LRRC8C: variants seen among roughly 807,000 people sequenced by gnomAD.
The protein encoded by LRRC8C is volume-regulated anion channel subunit LRRC8C.
In LRRC8C, 20 loss-of-function variants were observed where a neutral mutation model predicts 55.3. That is an observed-to-expected ratio of 0.36 (90% CI 0.25 to 0.53). The LOEUF is 0.53. Ranked by LOEUF, LRRC8C falls within the 20% of genes least tolerant of loss-of-function variation. The pLI is 0.92. For missense variants in LRRC8C, 659 were observed against 951.4 expected, an observed-to-expected ratio of 0.69 and a Z score of 4.04; for synonymous variants, 376 against 360.7, an observed-to-expected ratio of 1.04 and a Z score of -0.48.
At chr1:89,675,356 G>A (rs1182797452) in intron 1 of LRRC8C, among the ~76,000 whole-genome samples, 1 of 152,232 alleles carries the variant, frequency 6.6e-6, no homozygotes, top group African/African-American at 2.4e-5. Context: ...GAGGGCAGGA[G>A]TCTTCTTGCC....
At chr1:89,706,047 A>G (rs554695143) in intron 2 of LRRC8C, among the ~76,000 whole-genome samples, 2 of 152,244 alleles carry the variant, frequency 1.3e-5, no homozygotes, top group East Asian at 1.9e-4. Context: ...ATCTGATGAT[A>G]AAGTTTATCG....
chr1:89,684,837 GA>G lies in LRRC8C; in HGVS notation c.-4-1627del, dbSNP rs541738842. The stretch of plus-strand genomic sequence containing the variant: ...ACTTGTAGCCTAGTGGGTGGTAACA[GA>G]AAAAAGTTAAGAAAAGTTGTGTTTC... On this transcript the variant is annotated intron_variant, in intron 1 of 2. Coordinates refer to ENST00000370454, the MANE Select transcript of LRRC8C (RefSeq NM_032270.5). 1.7e-4 allele frequency among the ~76,000 whole-genome samples: 26 copies of G among 152,246 alleles called. No homozygotes were observed. The South Asian group carries it at 5.4e-3, about 32-fold the overall frequency.
At chr1:89,639,569 A>G (rs1656397444) in intron 1 of LRRC8C, among the ~76,000 whole-genome samples, 2 of 152,140 alleles carry the variant, frequency 1.3e-5, no homozygotes, top group African/African-American at 2.4e-5. Context: ...TTTAAACCAT[A>G]TTCTTTTCCT....
chr1:89,702,760 CTCAA>C (rs1261116263), intron 2 of LRRC8C, among the ~76,000 whole-genome samples: 4 of 152,154 alleles, frequency 2.6e-5, no homozygotes, highest in Non-Finnish European at 4.4e-5. Context: ...AAGACCCTGT[CTCAA>C]TCAATCAATC....
chr1:89,714,020 G>A lies in LRRC8C; in HGVS notation c.1450G>A (p.Ala484Thr), dbSNP rs2101364297. 2.5e-6 allele frequency: 4 copies of A among 1,613,418 alleles called. No individual in the cohort carries two copies. The East Asian group carries it at 6.7e-5, about 27-fold the overall frequency. Residue 484 changes from alanine to threonine, a missense_variant, in exon 3 of 3, where the codon GCG (alanine) becomes ACG (threonine). Coordinates refer to ENST00000370454, the MANE Select transcript of LRRC8C (RefSeq NM_032270.5). This position sits in a 1 kb window ranked among gnomAD's most constrained non-coding sequence, Gnocchi z 4.6. ...LHQCSVKIHS[A>T]ALSFLKENLK... ...CCAGTGTTCTGTCAAAATCCACAGT[G>A]CGGCGCTCTCTTTCCTGAAGGAAAA...
chr1:89,658,316 G>T (rs1363206061), intron 1 of LRRC8C, among the ~76,000 whole-genome samples: 1 of 152,158 alleles, frequency 6.6e-6, no homozygotes, highest in Non-Finnish European at 1.5e-5. Flanking sequence ...CAGCCTAAGG[G>T]TCTGAAATAT....
chr1:89,670,362 A>G (rs1311374433), intron 1 of LRRC8C, among the ~76,000 whole-genome samples: 2 of 151,876 alleles, frequency 1.3e-5, no homozygotes, highest in Admixed American at 1.3e-4. Flanking sequence ...AAATAATTTC[A>G]TTTTCTCTTC....
chr1:89,672,514 G>C (rs1029571008), intron 1 of LRRC8C, among the ~76,000 whole-genome samples: 3 of 152,194 alleles, frequency 2.0e-5, no homozygotes, highest in Non-Finnish European at 4.4e-5. Flanking sequence ...CGTGGTAAGT[G>C]CTAGGAATAT....
chr1:89,672,723 T>A (rs934534918), intron 1 of LRRC8C, among the ~76,000 whole-genome samples: 8 of 152,220 alleles, frequency 5.3e-5, no homozygotes, highest in African/African-American at 7.2e-5. Context: ...TGTCCAAGGA[T>A]GTGGAATAGA....
At chr1:89,687,238 C>T (rs1361698002) in intron 2 of LRRC8C, among the ~76,000 whole-genome samples, 1 of 152,124 alleles carries the variant, frequency 6.6e-6, no homozygotes, top group East Asian at 1.9e-4. Context: ...TTGTGTTATA[C>T]TTTGATAGAG....
intron 1 of LRRC8C, among the ~76,000 whole-genome samples, chr1:89,638,262 G>T: frequency 6.6e-6 from 1 of 152,120 alleles, no homozygotes. Flanking sequence ...TCCAAGGGCC[G>T]GAAACACTAG....
chr1:89,631,255 G>T (rs1405386511), upstream of LRRC8C, among the ~76,000 whole-genome samples: 1 of 152,110 alleles, frequency 6.6e-6, no homozygotes, highest in Non-Finnish European at 1.5e-5. Flanking sequence ...TGGGTGGTGG[G>T]GAGGGGGCAG....
intron 2 of LRRC8C, among the ~76,000 whole-genome samples, chr1:89,704,176 AT>A (rs1426660645): frequency 6.6e-6 from 1 of 152,060 alleles, no homozygotes; most frequent in African/African-American, 2.4e-5. Context: ...ACCCCAAAGA[AT>A]TCCTGGTGCT....
intron 2 of LRRC8C, among the ~76,000 whole-genome samples, chr1:89,711,204 A>G (rs551319008): frequency 7.2e-5 from 11 of 152,330 alleles, no homozygotes; most frequent in African/African-American, 2.6e-4. Flanking sequence ...CAGAAAATAT[A>G]CACTGGTGGT....
intron 1 of LRRC8C, chr1:89,676,383 T>C (rs1657547653): frequency 6.6e-6 from 1 of 152,242 alleles, no homozygotes; most frequent in South Asian, 2.1e-4. Flanking sequence ...TTTGAAATTA[T>C]AAATTATTCC....
At chr1:89,667,095 G>A (rs1012713049) in intron 1 of LRRC8C, among the ~76,000 whole-genome samples, 7 of 152,254 alleles carry the variant, frequency 4.6e-5, no homozygotes, top group African/African-American at 7.2e-5. Flanking sequence ...TGAAGGAAGT[G>A]AGAAAACAAT....
At chr1:89,639,489 T>C (rs1656394022) in intron 1 of LRRC8C, among the ~76,000 whole-genome samples, 1 of 152,208 alleles carries the variant, frequency 6.6e-6, no homozygotes, top group Non-Finnish European at 1.5e-5. Context: ...TATTGGCTGC[T>C]TTCAGCATCT....
intron 1 of LRRC8C, among the ~76,000 whole-genome samples, chr1:89,664,223 A>G (rs1440063652): frequency 1.3e-5 from 2 of 152,152 alleles, no homozygotes; most frequent in African/African-American, 4.8e-5. Context: ...GCCCATGCCT[A>G]TGTCCTGAAT....
rs866269535 is a variant in LRRC8C, at chr1:89,713,843, C to T, written c.1273C>T (p.Arg425Ter). 6.2e-7 allele frequency: 1 copy of T among 1,614,180 alleles called. No homozygotes were observed. The highest frequency in any genetic ancestry group is 8.5e-7 in the Non-Finnish European group (1 of 1,180,036). The part of the protein sequence containing the change: ...RQKLQTNAHN[R>*]LELPLIMLSG... ...GAAGCTACAGACAAATGCCCATAAT[C>T]GACTGGAATTGCCTCTTATCATGCT... The change falls in exon 3 of 3, where the codon CGA (arginine) becomes TGA (stop). Residue 425 changes from arginine to a stop codon, truncating the protein, a stop_gained. Coordinates refer to ENST00000370454, the MANE Select transcript of LRRC8C (RefSeq NM_032270.5). LOFTEE classifies it high-confidence loss of function. This position sits in a 1 kb window ranked among gnomAD's most constrained non-coding sequence, Gnocchi z 5.2.
Sources: allele counts gnomAD v4.1 joint callset (sites outside exome capture counted in the v4.1 genomes callset), GRCh38; gene constraint gnomAD v4.1.1; non-coding constraint Gnocchi (gnomAD v3.1); transcripts MANE v1.5; gene names NCBI Gene and HGNC (gene_info 2026-07-23, HGNC 2026-07-21).